Variants in RSRP1 observed in about 807,000 individuals in gnomAD.
The protein encoded by RSRP1 is arginine and serine rich protein 1.
In RSRP1, 37 loss-of-function variants were observed where a neutral mutation model predicts 33.0. The observed-to-expected ratio is 1.12, with a 90% CI of 0.86 to 1.48. The LOEUF is 1.48. Ranked by LOEUF, RSRP1 falls within the 40% of genes most tolerant of loss-of-function variation. RSRP1 has a pLI of 0.00. For synonymous variants in RSRP1, 167 were observed against 158.7 expected, an observed-to-expected ratio of 1.05 and a Z score of -0.40; for missense variants, 402 against 385.3, an observed-to-expected ratio of 1.04 and a Z score of -0.36.
At chr1:25,250,412 G>C (rs1639739453), upstream of RSRP1, among the ~76,000 whole-genome samples, 1 of 152,214 alleles carries the variant, frequency 6.6e-6, no homozygotes, top group African/African-American at 2.4e-5. Flanking sequence ...TCTGCTAGGA[G>C]AGAGTCACTC....
intron 1 of RSRP1, among the ~76,000 whole-genome samples, chr1:25,257,514 A>T (rs75031445): frequency 0.014 from 2,167 of 152,154 alleles, 47 homozygotes; most frequent in African/African-American, 0.049. Flanking sequence ...CCATTTTAGA[A>T]TTTGGGGATA....
intron 1 of RSRP1, among the ~76,000 whole-genome samples, chr1:25,299,836 G>A (rs111457982): frequency 0.014 from 1,785 of 131,062 alleles, 297 homozygotes; most frequent in African/African-American, 0.042. Context: ...TATAGCCTCC[G>A]CCTCCCAGGT....
At position 25,293,694 on chromosome 1, in the gene RSRP1, G is replaced by T. The variant is rs1417669764; in HGVS notation, c.-67+44284C>A. Among the ~76,000 whole-genome samples the T allele has an allele frequency of 1.5e-5, 2 of 131,238 alleles. 1 individual carries two copies. The highest frequency in any genetic ancestry group is 1.5e-4 in the Admixed American group (2 of 13,478). 86.1% of individuals were successfully genotyped at this position (131,238 alleles called of 152,430 possible). On this transcript the variant is annotated intron_variant, in intron 1 of 1. Coordinates refer to the RSRP1 transcript ENST00000561867. The stretch of plus-strand genomic sequence containing the variant: ...TAGTATATGTAACCATCAGTAGGTG[G>T]TATCTACTGACTAGAGAGGGAAGTT...
In RSRP1 at chr1:25,246,500, C is replaced by A; in HGVS notation, c.464G>T (p.Arg155Met). ...TVYPEEHSRW[R>M]DRSRTRSRSR... ...CCGCGACCTCGTCCTGGATCTGTCCCTCCATCTGCTGTGCTCCTCCGGGTA... is the reference window on the plus strand; with the variant it reads ...CCGCGACCTCGTCCTGGATCTGTCCATCCATCTGCTGTGCTCCTCCGGGTA... Residue 155 changes from arginine to methionine, a missense_variant, in exon 2 of 5, where the codon AGG (arginine) becomes ATG (methionine). Arg to Met is a moderately conservative substitution (Grantham distance 91). Transcript: ENST00000243189. The A allele has an allele frequency of 6.2e-7, 1 of 1,614,250 alleles. No homozygotes were observed. Among genetic ancestry groups the A allele is most frequent in the Non-Finnish European group, 8.5e-7 (1 of 1,180,044 alleles).
intron 2 of RSRP1, among the ~76,000 whole-genome samples, 165 bp from the exon 3 acceptor site, chr1:25,245,466 C>T (rs190432380): frequency 4.5e-4 from 69 of 152,274 alleles, no homozygotes; most frequent in African/African-American, 8.4e-4. Context: ...CTAGTAGCTG[C>T]GCTGGTCCAC....
rs1398640893 is a variant in RSRP1 at position 25,297,526 on chromosome 1, A to G, written c.-67+40452T>C. Among the ~76,000 whole-genome samples, 3 of 126,894 alleles carry G rather than the reference A, an allele frequency of 2.4e-5. 1 individual carries two copies. Among genetic ancestry groups the G allele is most frequent in the African/African-American group, 8.2e-5 (3 of 36,772 alleles). 83.2% of individuals were successfully genotyped at this position (126,894 alleles called of 152,430 possible). Reference sequence around the variant, plus strand: ...GTGTTCATTGATTCTTCCCTGAATAAATTAGTACTATAATAATTGCCAATG... The same window carrying G: ...GTGTTCATTGATTCTTCCCTGAATAGATTAGTACTATAATAATTGCCAATG... On this transcript the variant is annotated intron_variant, in intron 1 of 1. Coordinates refer to the RSRP1 transcript ENST00000561867.
Position 25,242,368 on chromosome 1 carries a change from T to C in RSRP1, c.*221A>G, listed in dbSNP as rs1456003556. On this transcript the variant is annotated 3_prime_UTR_variant, in exon 5 of 5. Coordinates refer to ENST00000243189, the MANE Select transcript of RSRP1 (RefSeq NM_020317.5). ...ATATTTACAACTATATACAAAAGAC[T>C]CCCACCTGTGCATAACCTTTGGTCC... The C allele has an allele frequency of 5.6e-6, 2 of 358,744 alleles. No homozygotes were observed. Among genetic ancestry groups the C allele is most frequent in the African/African-American group, 2.1e-5 (1 of 48,094 alleles). The allele number at this position is 358,744 out of a possible 1,614,324, so 22.2% of individuals were successfully genotyped here.
rs751059138 is a variant in RSRP1, at chr1:25,246,722, T to C, written c.242A>G (p.Tyr81Cys). The C allele has an allele frequency of 3.7e-6, 6 of 1,607,222 alleles. No homozygotes were observed. The highest frequency in any genetic ancestry group is 5.1e-6 in the Non-Finnish European group (6 of 1,175,186). ...QRKYRRYSRS[Y>C]SRSRSRSRSR... The stretch of plus-strand genomic sequence containing the variant: ...GCGGGATCGCGACCGGCTCCGCGAG[T>C]ATGACCGCGAGTAGCGCCTGTACTT... Residue 81 changes from tyrosine (Y) to cysteine (C), a missense_variant, in exon 2 of 5, where the codon TAC becomes TGC. By Grantham distance (194) the Tyr-to-Cys change is radical. Transcript: ENST00000243189.
At chr1:25,292,184 A>C (rs1398145033) in intron 1 of RSRP1, among the ~76,000 whole-genome samples, 1 of 132,904 alleles carries the variant, frequency 7.5e-6, no homozygotes, top group African/African-American at 2.6e-5. Context: ...AAAAAAAAGC[A>C]TGAAGCCCCT....
intron 1 of RSRP1, among the ~76,000 whole-genome samples, chr1:25,318,585 CA>C (rs532453902): frequency 8.3e-5 from 10 of 121,170 alleles, no homozygotes; most frequent in East Asian, 2.0e-4. Context: ...GAGACTGTCT[CA>C]AAAAAAAAAG....
At position 25,303,759 on chromosome 1, in the gene RSRP1, C is replaced by A. The variant is rs1160296623; in HGVS notation, c.-67+34219G>T. ...TGGAGTGTTGTGGGGAGCCCCGAAG[C>A]CCCTGTTTTACTTCTTTCTTTGCTT... On this transcript the variant is annotated intron_variant, in intron 1 of 1. Transcript: ENST00000561867. Among the ~76,000 whole-genome samples, 4 of 131,056 alleles carry A rather than the reference C, an allele frequency of 3.1e-5. 2 individuals carry two copies. Among genetic ancestry groups the A allele is most frequent in the Non-Finnish European group, 7.2e-5 (4 of 55,342 alleles). 86.0% of individuals were successfully genotyped at this position (131,056 alleles called of 152,430 possible).
chr1:25,244,707 C>G, intron 3 of RSRP1: 1 of 1,187,032 alleles, frequency 8.4e-7, no homozygotes, highest in Non-Finnish European at 1.1e-6. Flanking sequence ...TTTTTTGAGA[C>G]AGGGTCTCGC....
intron 3 of RSRP1, chr1:25,244,134 T>G: frequency 7.0e-6 from 9 of 1,285,710 alleles, no homozygotes; most frequent in Non-Finnish European, 9.1e-6. Flanking sequence ...CAGTGCAATT[T>G]GCTAATGCAC....
In RSRP1 at chr1:25,293,113, G is replaced by A. The variant is rs1270990324; in HGVS notation, c.-67+44865C>T. Among the ~76,000 whole-genome samples, 19 of 131,914 alleles carry A rather than the reference G, an allele frequency of 1.4e-4. 3 individuals carry two copies. The highest frequency in any genetic ancestry group is 4.4e-4 in the Admixed American group (6 of 13,606). 86.5% of individuals were successfully genotyped at this position (131,914 alleles called of 152,430 possible). ...ATGAAGGCAACAGCCTGGCTTGACT[G>A]ATTCAAGAGCAGGAGATGAGAAAGT... On this transcript the variant is annotated intron_variant, in intron 1 of 1. Coordinates refer to the RSRP1 transcript ENST00000561867.
chr1:25,294,071 T>C (rs1173226304), intron 1 of RSRP1: 1 of 680,898 alleles, frequency 1.5e-6, no homozygotes, highest in Non-Finnish European at 2.7e-6. Flanking sequence ...AATGGGCTTA[T>C]CTGTTATTTC....
intron 1 of RSRP1, chr1:25,329,237 G>GTTTTTTTTTTTTTT (rs71014352): frequency 2.1e-5 from 5 of 233,242 alleles, no homozygotes; most frequent in Admixed American, 7.8e-5. Flanking sequence ...ATTATTCCTT[G>GTTTTTTTTTTTTTT]TTTTTTTTTT....
chr1:25,254,792 C>G (rs1279831562), intron 1 of RSRP1, among the ~76,000 whole-genome samples: 2 of 152,052 alleles, frequency 1.3e-5, no homozygotes, highest in Non-Finnish European at 2.9e-5. Context: ...CCAGGGCAAG[C>G]AAAAGGACAA....
chr1:25,318,507 G>C (rs1439954370), intron 1 of RSRP1, among the ~76,000 whole-genome samples: 1 of 131,350 alleles, frequency 7.6e-6, no homozygotes, highest in African/African-American at 2.6e-5. Context: ...GGAATGGCTT[G>C]ACCCCAGGAG....
rs1449262295 is a variant in RSRP1, at chr1:25,301,793, C to T, written c.-67+36185G>A. 4 of 870,518 alleles carry T rather than the reference C, an allele frequency of 4.6e-6. No homozygotes were observed. In the Admixed American group the frequency reaches 5.7e-5, roughly 12 times the overall value. The allele number at this position is 870,518 out of a possible 1,614,324, so 53.9% of individuals were successfully genotyped here. ...CAGCGTGGGTTGGGAGAGGGCATGC[C>T]GGGTGGTGGAGCTGTGCCTGCCTCT... On this transcript the variant is annotated intron_variant, in intron 1 of 1. Transcript: ENST00000561867.
Sources: allele counts gnomAD v4.1 joint callset (sites outside exome capture counted in the v4.1 genomes callset), GRCh38; gene constraint gnomAD v4.1.1; transcripts MANE v1.5; gene names NCBI Gene and HGNC (gene_info 2026-07-23, HGNC 2026-07-21).